The following FGGY variants were observed in gnomAD, a reference collection of about 807,000 sequenced individuals.
The protein encoded by FGGY is FGGY carbohydrate kinase domain-containing protein.
A neutral mutation model predicts 71.3 loss-of-function variants in FGGY; 72 were observed. The ratio of observed to expected loss-of-function variants is 1.01; its 90% CI spans 0.84 to 1.23. FGGY has a LOEUF of 1.23. FGGY is among the 50% of genes most tolerant of loss of function. The pLI, the probability that FGGY is intolerant of heterozygous loss-of-function variation, is 0.00. For missense variants in FGGY, 668 were observed against 682.3 expected (o/e 0.98, Z 0.23); for synonymous variants, 251 against 250.3 (o/e 1.00, Z -0.02).
intron 13 of FGGY, among the ~76,000 whole-genome samples, chr1:59,668,991 C>CAAA (rs33999903): frequency 2.4e-4 from 9 of 37,064 alleles, no homozygotes; most frequent in Non-Finnish European, 3.8e-4. Context: ...AACTCCATCT[C>CAAA]AAAAAAAAAA....
At chr1:59,546,535 G>GATTATTATTATTATTATT (rs747576612) in intron 7 of FGGY, among the ~76,000 whole-genome samples, 8 of 129,350 alleles carry the variant, frequency 6.2e-5, no homozygotes, top group African/African-American at 2.5e-4. Context: ...TGATGATGAT[G>GATTATTATTATTATTATT]ATTATTATTA....
Position 59,434,540 on chromosome 1 carries a change from G to A in FGGY, c.555-22421G>A, listed in dbSNP as rs2068018747. On this transcript the variant is annotated intron_variant, in intron 5 of 15. Transcript: ENST00000303721. ...ATACCCAGCTGTCTTAGTCATTTTG[G>A]GCTGCTATTAAAAAATGCCATAGAC... Among the ~76,000 whole-genome samples, 5 of 152,158 alleles carry A rather than the reference G, an allele frequency of 3.3e-5. No individual in the cohort carries two copies. The South Asian group carries it at 1.0e-3, about 32-fold the overall frequency.
chr1:59,700,129 T>C (rs1045513670), intron 14 of FGGY, among the ~76,000 whole-genome samples: 2 of 152,238 alleles, frequency 1.3e-5, no homozygotes, highest in African/African-American at 2.4e-5. Flanking sequence ...ACAAGTCTTA[T>C]AAAACTGTTT....
chr1:59,648,543 TC>T (rs1239176446), intron 11 of FGGY, among the ~76,000 whole-genome samples: 1 of 144,310 alleles, frequency 6.9e-6, no homozygotes, highest in Non-Finnish European at 1.5e-5. Context: ...TGCATAAATG[TC>T]TTCTTTTGAG....
intron 11 of FGGY, among the ~76,000 whole-genome samples, chr1:59,640,095 T>G (rs1334781357): frequency 6.6e-6 from 1 of 152,220 alleles, no homozygotes; most frequent in African/African-American, 2.4e-5. Context: ...ATGTTTACTT[T>G]TTTAAAAAGT....
intron 6 of FGGY, among the ~76,000 whole-genome samples, chr1:59,477,170 A>G (rs1461352415): frequency 6.6e-6 from 1 of 152,086 alleles, no homozygotes; most frequent in Non-Finnish European, 1.5e-5. Flanking sequence ...TCTCTATTGC[A>G]TGTGACACAT....
chr1:59,652,185 AT>A, intron 11 of FGGY, among the ~76,000 whole-genome samples: 2 of 150,718 alleles, frequency 1.3e-5, no homozygotes, highest in Middle Eastern at 3.4e-3. Context: ...TGCCCTTAAC[AT>A]TTTTTCCTTC....
chr1:59,495,665 A>G (rs1025824299), intron 6 of FGGY, among the ~76,000 whole-genome samples: 16 of 152,010 alleles, frequency 1.1e-4, no homozygotes, highest in Admixed American at 1.3e-4. Context: ...TATATGTGGT[A>G]TAAGGAAGGG....
At chr1:59,604,309 TTC>T (rs1017845848) in intron 8 of FGGY, among the ~76,000 whole-genome samples, 10 of 152,278 alleles carry the variant, frequency 6.6e-5, no homozygotes, top group Non-Finnish European at 1.2e-4. Flanking sequence ...TGTACATTCT[TTC>T]TCTCTCTCTC....
At chr1:59,690,562 G>A (rs1406303827) in intron 14 of FGGY, among the ~76,000 whole-genome samples, 1 of 152,120 alleles carries the variant, frequency 6.6e-6, no homozygotes, top group Non-Finnish European at 1.5e-5. Context: ...CTCTTGCACC[G>A]CCCTTAGATG....
At chr1:59,314,283 A>G (rs1366615376) in intron 1 of FGGY, among the ~76,000 whole-genome samples, 1 of 152,198 alleles carries the variant, frequency 6.6e-6, no homozygotes, top group East Asian at 1.9e-4. Context: ...AAATTTTTTT[A>G]AAAGATGTGG....
chr1:59,561,632 G>A (rs543679415), intron 8 of FGGY, among the ~76,000 whole-genome samples: 10 of 152,242 alleles, frequency 6.6e-5, no homozygotes, highest in African/African-American at 2.2e-4. Context: ...CATGTACTAA[G>A]CACCTTACTA....
At chr1:59,473,385 G>A (rs947404134) in intron 6 of FGGY, among the ~76,000 whole-genome samples, 5 of 152,116 alleles carry the variant, frequency 3.3e-5, no homozygotes, top group Non-Finnish European at 7.4e-5. Context: ...ACATCAGAAG[G>A]AACAAACTCC....
At chr1:59,373,025 C>G (rs1350311248) in intron 4 of FGGY, among the ~76,000 whole-genome samples, 2 of 152,124 alleles carry the variant, frequency 1.3e-5, no homozygotes, top group Non-Finnish European at 2.9e-5. Context: ...TCTCTCACCA[C>G]TCCCATTCAA....
chr1:59,467,284 A>G (rs540608664), intron 6 of FGGY, among the ~76,000 whole-genome samples: 3 of 151,818 alleles, frequency 2.0e-5, no homozygotes, highest in African/African-American at 7.2e-5. Flanking sequence ...TCTCACTCAT[A>G]GGTGGGAATT....
chr1:59,551,530 A>G (rs973976418), intron 7 of FGGY, among the ~76,000 whole-genome samples: 8 of 152,160 alleles, frequency 5.3e-5, no homozygotes, highest in African/African-American at 1.9e-4. Flanking sequence ...CAAGGATCTC[A>G]GAATCAATAT....
chr1:59,659,868 G>T (rs192238008), intron 11 of FGGY, among the ~76,000 whole-genome samples: 2 of 152,306 alleles, frequency 1.3e-5, no homozygotes, highest in African/African-American at 4.8e-5. Flanking sequence ...CACTGTTAGT[G>T]TTGATTTCTT....
intron 6 of FGGY, among the ~76,000 whole-genome samples, chr1:59,481,812 C>G (rs951362900): frequency 6.6e-6 from 1 of 152,132 alleles, no homozygotes; most frequent in South Asian, 2.1e-4. Flanking sequence ...CAGAGACTTT[C>G]TAAGGGGTAC....
intron 5 of FGGY, among the ~76,000 whole-genome samples, chr1:59,421,387 T>C (rs2065388953): frequency 6.6e-6 from 1 of 152,124 alleles, no homozygotes; most frequent in Non-Finnish European, 1.5e-5. Context: ...CATGCTGAAA[T>C]ATTTACAGAA....
Sources: gnomAD v4.1 joint callset for allele counts (sites outside exome capture counted in the v4.1 genomes callset) on GRCh38, gnomAD v4.1.1 for gene constraint, MANE v1.5 for transcripts, NCBI Gene and HGNC (gene_info 2026-07-23, HGNC 2026-07-21) for gene names.